The following NLGN4X variants were observed in gnomAD, a reference collection of about 807,000 sequenced individuals.
NLGN4X encodes the protein neuroligin 4 X-linked.
Under a neutral mutation model 40.3 loss-of-function variants are expected in NLGN4X, and 3 were observed. The ratio of observed to expected loss-of-function variants is 0.07; its 90% CI spans 0.03 to 0.19. The LOEUF (loss-of-function observed/expected upper bound fraction) is 0.19. Ranked by LOEUF, NLGN4X falls within the 10% of genes least tolerant of loss-of-function variation. The probability of loss-of-function intolerance (pLI) is 1.00; values close to 1 mark genes in which losing one functional copy is unlikely to be tolerated. For missense variants in NLGN4X, 382 were observed against 708.3 expected, an observed-to-expected ratio of 0.54 and a Z score of 5.23; for synonymous variants, 270 against 306.8, an observed-to-expected ratio of 0.88 and a Z score of 1.25.
intron 1 of NLGN4X, among the ~76,000 whole-genome samples, chrX:6,161,876 C>T (rs1166295364): frequency 9.0e-6 from 1 of 111,237 alleles, no homozygotes; most frequent in African/African-American, 3.3e-5. Context: ...TACATTAAAA[C>T]TTATTTTATC....
At chrX:6,169,739 C>T (rs2040566082) in intron 1 of NLGN4X, among the ~76,000 whole-genome samples, 2 of 112,275 alleles carry the variant, frequency 1.8e-5, no homozygotes, top group African/African-American at 6.5e-5. Context: ...CAGCATGGCG[C>T]CATGAGCCAT....
intron 3 of NLGN4X, among the ~76,000 whole-genome samples, chrX:5,977,082 GA>G (rs1401719679): frequency 8.9e-6 from 1 of 112,777 alleles, no homozygotes; most frequent in African/African-American, 3.2e-5. Flanking sequence ...CTGAACTAAA[GA>G]GATACACGTT....
chrX:6,024,410 A>T (rs2036630954), intron 3 of NLGN4X, among the ~76,000 whole-genome samples: 1 of 111,118 alleles, frequency 9.0e-6, no homozygotes, highest in African/African-American at 3.3e-5. Flanking sequence ...TATATATGTC[A>T]GAGACGTTTG....
At chrX:6,199,695 C>T (rs1923424299) in intron 1 of NLGN4X, among the ~76,000 whole-genome samples, 1 of 111,498 alleles carries the variant, frequency 9.0e-6, no homozygotes, top group Non-Finnish European at 1.9e-5. Context: ...AGGCACGGAC[C>T]AGAATGAGAA....
At chrX:6,212,333 A>AG (rs1360820977) in intron 1 of NLGN4X, among the ~76,000 whole-genome samples, 1 of 111,286 alleles carries the variant, frequency 9.0e-6, no homozygotes, top group Non-Finnish European at 1.9e-5. Context: ...ATTAAAAAAA[A>AG]AAGACTGCTT....
chrX:6,079,167 G>A (rs1227674472), intron 2 of NLGN4X, among the ~76,000 whole-genome samples: 1 of 111,549 alleles, frequency 9.0e-6, no homozygotes, highest in Non-Finnish European at 1.9e-5. Context: ...AATATAGCAG[G>A]GAAGGCAGGC....
Position 5,936,974 on chromosome X carries a change from G to T in NLGN4X, c.626-27735C>A, listed in dbSNP as rs1358799211. Among the ~76,000 whole-genome samples the T allele has an allele frequency of 2.7e-5, 3 of 111,557 alleles. No homozygotes were observed. In the Admixed American group the frequency reaches 2.9e-4, roughly 11 times the overall value. ...AAGGGCGAGATGTTTAATTTAAAAGGTTTATTTTTCCCTCTTATCCCATAG... is the reference window on the plus strand; with the variant it reads ...AAGGGCGAGATGTTTAATTTAAAAGTTTTATTTTTCCCTCTTATCCCATAG... On this transcript the variant is annotated intron_variant, in intron 3 of 5. Transcript: ENST00000381095.
chrX:6,182,277 A>G (rs1244714995), intron 1 of NLGN4X, among the ~76,000 whole-genome samples: 5 of 111,827 alleles, frequency 4.5e-5, no homozygotes, highest in Admixed American at 2.8e-4. Context: ...CGAGTATACA[A>G]TGTACAATGG....
chrX:5,996,208 TGC>T (rs1351310222), intron 3 of NLGN4X, among the ~76,000 whole-genome samples: 2 of 112,147 alleles, frequency 1.8e-5, no homozygotes, highest in Non-Finnish European at 3.8e-5. Context: ...GAGATCACAA[TGC>T]AATCAGTCAA....
At chrX:6,175,142 T>C (rs1384715816) in intron 1 of NLGN4X, among the ~76,000 whole-genome samples, 1 of 111,684 alleles carries the variant, frequency 9.0e-6, no homozygotes, top group African/African-American at 3.3e-5. Context: ...CCAACCTGGA[T>C]ATAGAGAAAC....
chrX:6,206,362 G>A (rs373415582), intron 1 of NLGN4X, among the ~76,000 whole-genome samples: 7 of 111,495 alleles, frequency 6.3e-5, no homozygotes, highest in African/African-American at 9.8e-5. Context: ...CAATGTATAC[G>A]TACATCCAGT....
chrX:6,081,759 C>T lies in NLGN4X; in HGVS notation c.473-52327G>A, dbSNP rs1395855151. ...CCATCTTGATTTCCACTTCTTAGAACTCATGCTCTAGAAACTAGAAACCAA... is the reference window on the plus strand; with the variant it reads ...CCATCTTGATTTCCACTTCTTAGAATTCATGCTCTAGAAACTAGAAACCAA... On this transcript the variant is annotated intron_variant, in intron 2 of 5. Transcript: ENST00000381095. 6.2e-5 allele frequency among the ~76,000 whole-genome samples: 7 copies of T among 112,524 alleles called. No individual in the cohort carries two copies. In the East Asian group the frequency reaches 1.7e-3, roughly 27 times the overall value.
At chrX:5,915,179 A>C (rs2032728618) in intron 3 of NLGN4X, among the ~76,000 whole-genome samples, 1 of 112,527 alleles carries the variant, frequency 8.9e-6, no homozygotes, top group Admixed American at 9.5e-5. Flanking sequence ...TTCCAATATC[A>C]GTAGAGAAAA....
intron 1 of NLGN4X, among the ~76,000 whole-genome samples, chrX:6,177,882 G>A (rs1456662725): frequency 1.8e-5 from 2 of 110,041 alleles, no homozygotes; most frequent in Non-Finnish European, 3.8e-5. Flanking sequence ...AGGTCATGAG[G>A]TTGGAGCCTC....
chrX:5,908,250 A>G (rs957613696), intron 4 of NLGN4X, among the ~76,000 whole-genome samples: 6 of 110,199 alleles, frequency 5.4e-5, no homozygotes, highest in Non-Finnish European at 1.1e-4. Context: ...GGAGAGAGAC[A>G]CTATTCCTCT....
At chrX:5,999,971 A>G (rs1019918361) in intron 3 of NLGN4X, among the ~76,000 whole-genome samples, 3 of 112,700 alleles carry the variant, frequency 2.7e-5, no homozygotes, top group Non-Finnish European at 3.7e-5. Context: ...GAGAACAAAT[A>G]TATCAGTGTG....
chrX:6,054,966 T>G (rs969991325), intron 2 of NLGN4X, among the ~76,000 whole-genome samples: 8 of 112,354 alleles, frequency 7.1e-5, no homozygotes, highest in Non-Finnish European at 1.5e-4. Context: ...GGAATTAAAT[T>G]TTTAATGTGG....
chrX:6,054,525 T>A (rs962117022), intron 2 of NLGN4X, among the ~76,000 whole-genome samples: 1 of 110,755 alleles, frequency 9.0e-6, no homozygotes, highest in Admixed American at 9.7e-5. Context: ...GAAGCTGAGG[T>A]GGGAGGATCA....
chrX:5,899,202 T>A (rs1216568055), intron 5 of NLGN4X, among the ~76,000 whole-genome samples: 1 of 112,509 alleles, frequency 8.9e-6, no homozygotes, highest in Admixed American at 9.4e-5. Context: ...AAGAGCTCAC[T>A]GCATTAATAC....
Sources: allele counts gnomAD v4.1 joint callset (sites outside exome capture counted in the v4.1 genomes callset), GRCh38; gene constraint gnomAD v4.1.1; transcripts MANE v1.5; gene names NCBI Gene and HGNC (gene_info 2026-07-23, HGNC 2026-07-21).